PPP1R3G: variants seen among roughly 807,000 people sequenced by gnomAD.
The protein encoded by PPP1R3G is protein phosphatase 1, regulatory (inhibitor) subunit 3G.
Under a neutral mutation model 2.0 loss-of-function variants are expected in PPP1R3G, and 3 were observed. That is an observed-to-expected ratio of 1.47 (90% CI 0.67 to 3.81). The LOEUF is 3.81. PPP1R3G is among the 30% of genes most tolerant of loss of function. PPP1R3G has a pLI of 0.02. For missense variants in PPP1R3G, 595 were observed against 517.0 expected, an observed-to-expected ratio of 1.15 and a Z score of -1.46; for synonymous variants, 267 against 250.9, an observed-to-expected ratio of 1.06 and a Z score of -0.61.
At position 5,085,464 on chromosome 6, in the gene PPP1R3G, A is replaced by C. The variant is rs1286334878; in HGVS notation, c.-22A>C. ...CAGAGGGGCCCGGTTCGGCCCGAGC[A>C]AGTCCAGGGGCGAACGGCGTCATGG... On this transcript the variant is annotated 5_prime_UTR_variant, in exon 1 of 1. Coordinates refer to ENST00000405617, the MANE Select transcript of PPP1R3G (RefSeq NM_001145115.3). 6.6e-7 allele frequency: 1 copy of C among 1,510,186 alleles called. No homozygotes were observed. The highest frequency in any genetic ancestry group is 2.0e-5 in the Admixed American group (1 of 49,342). 93.5% of individuals were successfully genotyped at this position (1,510,186 alleles called of 1,614,324 possible).
In PPP1R3G at chr6:5,085,467, T is replaced by G. The variant is rs1490037000; in HGVS notation, c.-19T>G. 5.9e-6 allele frequency: 9 copies of G among 1,519,764 alleles called. No homozygotes were observed. The African/African-American group carries it at 1.1e-4, about 19-fold the overall frequency. 94.1% of individuals were successfully genotyped at this position (1,519,764 alleles called of 1,614,324 possible). On this transcript the variant is annotated 5_prime_UTR_variant, in exon 1 of 1. Coordinates refer to ENST00000405617, the MANE Select transcript of PPP1R3G (RefSeq NM_001145115.3). ...AGGGGCCCGGTTCGGCCCGAGCAAGTCCAGGGGCGAACGGCGTCATGGAGC... is the reference window on the plus strand; with the variant it reads ...AGGGGCCCGGTTCGGCCCGAGCAAGGCCAGGGGCGAACGGCGTCATGGAGC...
chr6:5,086,090 A>T lies in PPP1R3G; in HGVS notation c.605A>T (p.Gln202Leu). The change falls in exon 1 of 1, where the codon CAG becomes CTG. Residue 202 changes from glutamine (Q) to leucine (L), a missense_variant. By Grantham distance (113) the Gln-to-Leu change is moderately radical. Coordinates refer to ENST00000405617, the MANE Select transcript of PPP1R3G (RefSeq NM_001145115.3). ...APPSRLRPLF[Q>L]LPGPSAAAER... ...CCTTCCCGGCTCCGGCCGCTCTTCC[A>T]GCTCCCGGGGCCGAGCGCCGCGGCC... 1 of 1,467,220 alleles carries T rather than the reference A, an allele frequency of 6.8e-7. No homozygotes were observed. The highest frequency in any genetic ancestry group is 8.9e-7 in the Non-Finnish European group (1 of 1,117,960). 90.9% of individuals were successfully genotyped at this position (1,467,220 alleles called of 1,614,324 possible). A position where few individuals can be genotyped will look rare whatever the true frequency, so the allele number is the denominator to read the frequency against.
chr6:5,086,457 G>T lies in PPP1R3G; in HGVS notation c.972G>T (p.Ala324=), dbSNP rs772753943. ...DEEDADERGV[A]VHFAVCYRCA... Reference sequence around the variant, plus strand: ...AGGACGCCGACGAGCGCGGCGTCGCGGTCCACTTCGCTGTCTGCTACCGCT... The same window carrying T: ...AGGACGCCGACGAGCGCGGCGTCGCTGTCCACTTCGCTGTCTGCTACCGCT... The change falls in exon 1 of 1, where the codon GCG becomes GCT. Residue 324 remains alanine (A), a synonymous_variant. Transcript: ENST00000405617. 4 of 1,536,916 alleles carry T rather than the reference G, an allele frequency of 2.6e-6. No individual in the cohort carries two copies. In the South Asian group the frequency reaches 3.6e-5, roughly 14 times the overall value.
rs397654 is a variant in PPP1R3G, at chr6:5,086,844, A to G, written c.*282A>G. ...TCTAGAATTCCCAGCCTGCGTCAGA[A>G]TAGGAAGAAACTTCCAAGGCCCGGA... On this transcript the variant is annotated 3_prime_UTR_variant, in exon 1 of 1. Coordinates refer to ENST00000405617, the MANE Select transcript of PPP1R3G (RefSeq NM_001145115.3). 384,667 of 470,064 alleles carry G rather than the reference A, an allele frequency of 0.82. 158,253 individuals are homozygous for G. Among genetic ancestry groups the G allele is most frequent in the East Asian group, 0.91 (25,263 of 27,800 alleles). The allele number at this position is 470,064 out of a possible 1,614,324, so 29.1% of individuals were successfully genotyped here.
In PPP1R3G at chr6:5,086,467, G is replaced by C. The variant is rs1465754085; in HGVS notation, c.982G>C (p.Ala328Pro). The C allele has an allele frequency of 5.2e-6, 8 of 1,537,178 alleles. No homozygotes were observed. Among genetic ancestry groups the C allele is most frequent in the Non-Finnish European group, 7.0e-6 (8 of 1,146,704 alleles). Reference protein sequence around the residue: ...ADERGVAVHFAVCYRCAQGEY... With the variant: ...ADERGVAVHFPVCYRCAQGEY... ...CGAGCGCGGCGTCGCGGTCCACTTC[G>C]CTGTCTGCTACCGCTGCGCGCAGGG... The change falls in exon 1 of 1, where the codon GCT (alanine) becomes CCT (proline). Residue 328 changes from alanine to proline, a missense_variant. By Grantham distance (27) the Ala-to-Pro change is conservative (BLOSUM62 -1). Coordinates refer to ENST00000405617, the MANE Select transcript of PPP1R3G (RefSeq NM_001145115.3).
chr6:5,087,052 G>C lies in PPP1R3G; in HGVS notation c.*490G>C, dbSNP rs1316713671. 1 of 156,328 alleles carries C rather than the reference G, an allele frequency of 6.4e-6. No homozygotes were observed. The highest frequency in any genetic ancestry group is 2.4e-5 in the African/African-American group (1 of 41,522). The allele number at this position is 156,328 out of a possible 1,614,324, so 9.7% of individuals were successfully genotyped here. On this transcript the variant is annotated 3_prime_UTR_variant, in exon 1 of 1. Coordinates refer to ENST00000405617, the MANE Select transcript of PPP1R3G (RefSeq NM_001145115.3). ...TGCCACGGACTGTGGGTGCACGCGT[G>C]GGACCTTTACACCCCAACCTATTTC...
Position 5,085,750 on chromosome 6 carries a change from G to A in PPP1R3G, c.265G>A (p.Ala89Thr), listed in dbSNP as rs1388468422. The A allele has an allele frequency of 3.3e-6, 5 of 1,537,712 alleles. No individual in the cohort carries two copies. The highest frequency in any genetic ancestry group is 3.5e-6 in the Non-Finnish European group (4 of 1,142,494). The change falls in exon 1 of 1, where the codon GCC becomes ACC. Residue 89 changes from alanine (A) to threonine (T), a missense_variant. By Grantham distance (58) the Ala-to-Thr change is moderately conservative (BLOSUM62 0). Transcript: ENST00000405617. ...RCRARSFSLP[A>T]DPILQAAKFL... ...CCGCGCGCGCTCCTTTTCCTTGCCC[G>A]CCGACCCCATCTTGCAGGCGGCCAA...
Position 5,085,428 on chromosome 6 carries a change from A to G in PPP1R3G, c.-58A>G. 2.4e-6 allele frequency: 3 copies of G among 1,259,782 alleles called. No individual in the cohort carries two copies. Among genetic ancestry groups the G allele is most frequent in the Non-Finnish European group, 3.3e-6 (3 of 919,272 alleles). 78.0% of individuals were successfully genotyped at this position (1,259,782 alleles called of 1,614,324 possible). On this transcript the variant is annotated 5_prime_UTR_variant, in exon 1 of 1. Transcript: ENST00000405617. ...CGCTCCTTCCACGGCCCGAGGAGTT[A>G]GTTAAGTCTCCAGAGGGGCCCGGTT...
chr6:5,086,278 G>C lies in PPP1R3G; in HGVS notation c.793G>C (p.Ala265Pro). 6.5e-7 allele frequency: 1 copy of C among 1,535,582 alleles called. No homozygotes were observed. Among genetic ancestry groups the C allele is most frequent in the Non-Finnish European group, 8.7e-7 (1 of 1,146,708 alleles). ...TEWRSFLDVP[A>P]ELQPEPLEPQ... ...GTGGCGCTCCTTCCTGGACGTGCCG[G>C]CTGAGCTGCAGCCCGAGCCGCTGGA... The change falls in exon 1 of 1, where the codon GCT (alanine) becomes CCT (proline). Residue 265 changes from alanine to proline, a missense_variant. Ala to Pro is a conservative substitution (Grantham distance 27). Coordinates refer to ENST00000405617, the MANE Select transcript of PPP1R3G (RefSeq NM_001145115.3).
rs897146181 is a variant in PPP1R3G at position 5,086,094 on chromosome 6, C to A, written c.609C>A (p.Leu203=). 7.5e-6 allele frequency: 11 copies of A among 1,469,360 alleles called. No individual in the cohort carries two copies. Among genetic ancestry groups the A allele is most frequent in the Non-Finnish European group, 9.8e-6 (11 of 1,119,572 alleles). The allele number at this position is 1,469,360 out of a possible 1,614,324, so 91.0% of individuals were successfully genotyped here. A position where few individuals can be genotyped will look rare whatever the true frequency, so the allele number is the denominator to read the frequency against. ...CCCGGCTCCGGCCGCTCTTCCAGCT[C>A]CCGGGGCCGAGCGCCGCGGCCGAGC... ...PPSRLRPLFQ[L]PGPSAAAERL... is the part of the protein sequence containing the mutation. Residue 203 remains leucine, a synonymous_variant, in exon 1 of 1, where the codon CTC becomes CTA. Transcript: ENST00000405617.
In PPP1R3G at chr6:5,086,659, T is replaced by G; in HGVS notation, c.*97T>G. 9.7e-7 allele frequency: 1 copy of G among 1,029,098 alleles called. No individual in the cohort carries two copies. The highest frequency in any genetic ancestry group is 1.6e-5 in the African/African-American group (1 of 61,734). 63.7% of individuals were successfully genotyped at this position (1,029,098 alleles called of 1,614,324 possible). On this transcript the variant is annotated 3_prime_UTR_variant, in exon 1 of 1. Coordinates refer to ENST00000405617, the MANE Select transcript of PPP1R3G (RefSeq NM_001145115.3). ...ACTTGCTGGGACGCTTTGCTGAGCG[T>G]GGCGAGTCTGGCGTGAGGGGCGCGT... is the stretch of plus-strand genomic sequence containing the variant.
At position 5,085,353 on chromosome 6, in the gene PPP1R3G, G is replaced by A; in HGVS notation, c.-133G>A. ...CAAAGTGGAACTACGTTGTCTTGTC[G>A]AGCCTGGGGCGACTCGCCTCGGGGA... On this transcript the variant is annotated 5_prime_UTR_variant, in exon 1 of 1. Coordinates refer to ENST00000405617, the MANE Select transcript of PPP1R3G (RefSeq NM_001145115.3). The A allele has an allele frequency of 6.2e-6, 4 of 645,766 alleles. No individual in the cohort carries two copies. The highest frequency in any genetic ancestry group is 4.3e-4 in the Middle Eastern group (1 of 2,346). The allele number at this position is 645,766 out of a possible 1,614,324, so 40.0% of individuals were successfully genotyped here.
Position 5,086,138 on chromosome 6 carries a change from T to C in PPP1R3G, c.653T>C (p.Val218Ala), listed in dbSNP as rs1276277278. The stretch of plus-strand genomic sequence containing the variant: ...GCCGAGCGTCTGCAGCGGCAGCGCG[T>C]GTGCCTGGAGCGCGTGCAGTGCTCG... ...AAAERLQRQR[V>A]CLERVQCSTA... is the part of the protein sequence containing the mutation. Residue 218 changes from valine to alanine, a missense_variant, in exon 1 of 1, where the codon GTG becomes GCG. Transcript: ENST00000405617. 11 of 1,492,614 alleles carry C rather than the reference T, an allele frequency of 7.4e-6. No individual in the cohort carries two copies. Among genetic ancestry groups the C allele is most frequent in the Non-Finnish European group, 9.7e-6 (11 of 1,129,322 alleles). 92.5% of individuals were successfully genotyped at this position (1,492,614 alleles called of 1,614,324 possible).
Position 5,087,661 on chromosome 6 carries a change from G to A in PPP1R3G, c.*1099G>A, listed in dbSNP as rs1439525300. On this transcript the variant is annotated 3_prime_UTR_variant, in exon 1 of 1. Transcript: ENST00000405617. ...GCTTTCTGTTCCTCTCAGAGCCACA[G>A]TGGGGAGTGGTGACTTGATGGAAGA... The A allele has an allele frequency of 1.3e-5, 2 of 152,368 alleles. No homozygotes were observed. Among genetic ancestry groups the A allele is most frequent in the East Asian group, 3.8e-4 (2 of 5,196 alleles). 9.4% of individuals were successfully genotyped at this position (152,368 alleles called of 1,614,324 possible).
Position 5,085,521 on chromosome 6 carries a change from G to A in PPP1R3G, c.36G>A (p.Ala12=), listed in dbSNP as rs1291415674. ...EPIGARLSLE[A]PGPAPFREAP... ...TAGGGGCGCGGCTAAGTTTGGAGGC[G>A]CCGGGACCAGCGCCCTTCCGAGAGG... Residue 12 remains alanine (A), a synonymous_variant, in exon 1 of 1, where the codon GCG becomes GCA. Coordinates refer to ENST00000405617, the MANE Select transcript of PPP1R3G (RefSeq NM_001145115.3). 1.3e-6 allele frequency: 2 copies of A among 1,538,178 alleles called. No homozygotes were observed. Among genetic ancestry groups the A allele is most frequent in the South Asian group, 1.2e-5 (1 of 83,798 alleles).
Position 5,085,776 on chromosome 6 carries a change from G to A in PPP1R3G, c.291G>A (p.Lys97=). ...CCGACCCCATCTTGCAGGCGGCCAAGTTCCTGCAGCAGCAGCAGCAACAGG... is the reference window on the plus strand; with the variant it reads ...CCGACCCCATCTTGCAGGCGGCCAAATTCCTGCAGCAGCAGCAGCAACAGG... ...LPADPILQAA[K]FLQQQQQQAV... is the part of the protein sequence containing the mutation. Residue 97 remains lysine (K), a synonymous_variant, in exon 1 of 1, where the codon AAG becomes AAA. Transcript: ENST00000405617. 1 of 1,534,280 alleles carries A rather than the reference G, an allele frequency of 6.5e-7. No homozygotes were observed. Among genetic ancestry groups the A allele is most frequent in the Non-Finnish European group, 8.8e-7 (1 of 1,141,304 alleles).
In PPP1R3G at chr6:5,087,128, A is replaced by C. The variant is rs1762058970; in HGVS notation, c.*566A>C. 1.3e-5 allele frequency: 2 copies of C among 152,798 alleles called. No individual in the cohort carries two copies. Among genetic ancestry groups the C allele is most frequent in the African/African-American group, 4.8e-5 (2 of 41,394 alleles). 9.5% of individuals were successfully genotyped at this position (152,798 alleles called of 1,614,324 possible). A position where few individuals can be genotyped will look rare whatever the true frequency, so the allele number is the denominator to read the frequency against. Reference sequence around the variant, plus strand: ...CCAGGCCACCCTTTTCTTTTGACTGAGATGTGGGTAATGTGTGCCCAGACT... The same window carrying C: ...CCAGGCCACCCTTTTCTTTTGACTGCGATGTGGGTAATGTGTGCCCAGACT... On this transcript the variant is annotated 3_prime_UTR_variant, in exon 1 of 1. Transcript: ENST00000405617.
In PPP1R3G at chr6:5,085,558, G is replaced by T; in HGVS notation, c.73G>T (p.Glu25Ter). 1 of 1,542,336 alleles carries T rather than the reference G, an allele frequency of 6.5e-7. No homozygotes were observed. Among genetic ancestry groups the T allele is most frequent in the Middle Eastern group, 2.1e-4 (1 of 4,878 alleles). Residue 25 changes from glutamate (E) to a stop codon, truncating the protein, a stop_gained, in exon 1 of 1, where the codon GAG (glutamate) becomes TAG (stop). Transcript: ENST00000405617. LOFTEE classifies it low-confidence loss of function (END_TRUNC). ...PAPFREAPPA[E>*]ELPAPVVPCV... ...GCCCTTCCGAGAGGCCCCGCCGGCC[G>T]AGGAGCTGCCCGCCCCGGTGGTCCC...
chr6:5,086,859 C>G lies in PPP1R3G; in HGVS notation c.*297C>G. 2.3e-6 allele frequency: 1 copy of G among 438,740 alleles called. No individual in the cohort carries two copies. The highest frequency in any genetic ancestry group is 3.9e-5 in the East Asian group (1 of 25,356). 27.2% of individuals were successfully genotyped at this position (438,740 alleles called of 1,614,324 possible). ...CTGCGTCAGAATAGGAAGAAACTTC[C>G]AAGGCCCGGAGCAGCTGCCTCCAAG... On this transcript the variant is annotated 3_prime_UTR_variant, in exon 1 of 1. Coordinates refer to ENST00000405617, the MANE Select transcript of PPP1R3G (RefSeq NM_001145115.3).
Sources: gnomAD v4.1 joint callset for allele counts on GRCh38, gnomAD v4.1.1 for gene constraint, MANE v1.5 for transcripts, NCBI Gene and HGNC (gene_info 2026-07-23, HGNC 2026-07-21) for gene names.